MIA2: variants seen among roughly 807,000 people sequenced by gnomAD.
The protein encoded by MIA2 is MIA SH3 domain ER export factor 2, also known as melanoma inhibitory activity protein 2.
In MIA2, 127 loss-of-function variants were observed where a neutral mutation model predicts 167.8. The ratio of observed to expected loss-of-function variants is 0.76; its 90% CI spans 0.66 to 0.88. The LOEUF (loss-of-function observed/expected upper bound fraction) is 0.88. Among genes scored for constraint, MIA2 ranks in the 40% least tolerant of loss-of-function variants. MIA2 has a pLI of 0.00. For synonymous variants in MIA2, 552 were observed against 541.9 expected (o/e 1.02, Z -0.26); for missense variants, 1,690 against 1,624.7 (o/e 1.04, Z -0.69).
intron 25 of MIA2, among the ~76,000 whole-genome samples, chr14:39,339,798 T>A (rs774795305): frequency 2.0e-5 from 3 of 152,162 alleles, no homozygotes; most frequent in Non-Finnish European, 4.4e-5. Context: ...GAAACAGAAT[T>A]TTTAATCTTA....
intron 13 of MIA2, among the ~76,000 whole-genome samples, chr14:39,298,511 T>TA (rs1476516306): frequency 7.9e-6 from 1 of 127,256 alleles, no homozygotes; most frequent in African/African-American, 2.9e-5. Flanking sequence ...ATCCAATAAT[T>TA]ACTGTTTGGT....
At chr14:39,362,591 G>A (rs576377921) in intron 23 of MIA2, among the ~76,000 whole-genome samples, 1 of 151,894 alleles carries the variant, frequency 6.6e-6, no homozygotes, top group African/African-American at 2.4e-5. Flanking sequence ...GGTTAGTCTA[G>A]CTAGTAGTTT....
intron 6 of MIA2, among the ~76,000 whole-genome samples, chr14:39,260,074 T>C (rs886435012): frequency 2.6e-5 from 4 of 152,332 alleles, no homozygotes; most frequent in Non-Finnish European, 5.9e-5. Flanking sequence ...TTCCATAGTG[T>C]ATATGTGCCA....
At chr14:39,249,306 A>G (rs2054453839) in intron 4 of MIA2, among the ~76,000 whole-genome samples, 1 of 151,996 alleles carries the variant, frequency 6.6e-6, no homozygotes, top group Non-Finnish European at 1.5e-5. Flanking sequence ...ACACCCAGCT[A>G]ATTTATTTTT....
At chr14:39,369,438 T>A in intron 23 of MIA2, among the ~76,000 whole-genome samples, 1 of 152,234 alleles carries the variant, frequency 6.6e-6, no homozygotes, top group East Asian at 1.9e-4. Context: ...TTAATCTCCC[T>A]CTTTTCACAC....
chr14:39,293,825 T>G (rs73277462), intron 11 of MIA2, among the ~76,000 whole-genome samples, 175 bp from the exon 12 acceptor site: 2,809 of 152,328 alleles, frequency 0.018, 98 homozygotes, highest in African/African-American at 0.064. Context: ...ATACTATTGT[T>G]ACGTAATGTT....
At chr14:39,326,822 T>C in intron 24 of MIA2, 42 bp from the exon 25 acceptor site, 1 of 1,530,284 alleles carries the variant, frequency 6.5e-7, no homozygotes, top group Non-Finnish European at 8.7e-7. Context: ...ATAAGACTTT[T>C]TAAGATGAAA....
intron 7 of MIA2, among the ~76,000 whole-genome samples, chr14:39,278,172 C>G (rs1389588266): frequency 6.6e-6 from 1 of 152,048 alleles, no homozygotes; most frequent in Non-Finnish European, 1.5e-5. Flanking sequence ...ACGGGTTTCA[C>G]TGTGTTGCTC....
chr14:39,252,470 G>C (rs961696402), intron 4 of MIA2, among the ~76,000 whole-genome samples: 1 of 152,182 alleles, frequency 6.6e-6, no homozygotes, highest in Non-Finnish European at 1.5e-5. Context: ...AAGGAATGCA[G>C]CCTTGACAAC....
chr14:39,247,929 A>T lies in MIA2; in HGVS notation c.1355A>T (p.Asp452Val). Residue 452 changes from aspartate to valine, a missense_variant, in exon 4 of 29, where the codon GAT (aspartate) becomes GTT (valine). Transcript: ENST00000640607. ...GTCTCAGAAAAAACAGACGAATCTG[A>T]TACTATACCATATTTGAAAAAGTTC... ...KPVSEKTDES[D>V]TIPYLKKFLY... 1 of 1,598,366 alleles carries T rather than the reference A, an allele frequency of 6.3e-7. No homozygotes were observed. Among genetic ancestry groups the T allele is most frequent in the East Asian group, 2.2e-5 (1 of 44,742 alleles).
At chr14:39,386,975 A>G (rs767738018) in exon 24 of MIA2, 1 of 775,234 alleles carries the variant, frequency 1.3e-6, no homozygotes, top group Non-Finnish European at 2.2e-6. Context: ...GGCGGATGAG[A>G]CTAACGAGAT....
At chr14:39,258,524 A>T (rs1663664961) in intron 6 of MIA2, among the ~76,000 whole-genome samples, 1 of 152,194 alleles carries the variant, frequency 6.6e-6, no homozygotes, top group Non-Finnish European at 1.5e-5. Context: ...GCACTGGGTT[A>T]GAACATGCTC....
intron 6 of MIA2, chr14:39,265,240 G>C: frequency 3.1e-6 from 2 of 641,776 alleles, no homozygotes; most frequent in South Asian, 1.8e-5. Flanking sequence ...TCCACCTGTA[G>C]CACCCCTTTA....
rs374408997 is a variant in MIA2, at chr14:39,302,166, C to G, written c.2657C>G (p.Ala886Gly). ...CGCTTGTTAAAGATGAAAGATTGGGCTGCTATGCTTGGAGAAGACATAACG... is the reference window on the plus strand; with the variant it reads ...CGCTTGTTAAAGATGAAAGATTGGGGTGCTATGCTTGGAGAAGACATAACG... The part of the protein sequence containing the change: ...TERLLKMKDW[A>G]AMLGEDITDD... Residue 886 changes from alanine (A) to glycine (G), a missense_variant, in exon 15 of 29, where the codon GCT becomes GGT. By Grantham distance (60) the Ala-to-Gly change is moderately conservative. Transcript: ENST00000640607. 3.5e-5 allele frequency: 56 copies of G among 1,613,674 alleles called. No individual in the cohort carries two copies. Among genetic ancestry groups the G allele is most frequent in the Admixed American group, 8.3e-5 (5 of 60,006 alleles).
chr14:39,300,476 A>T (rs1695330476), intron 14 of MIA2, among the ~76,000 whole-genome samples: 1 of 152,090 alleles, frequency 6.6e-6, no homozygotes, highest in Admixed American at 6.6e-5. Flanking sequence ...TAAGATTTTT[A>T]AAAATCTTAA....
intron 6 of MIA2, among the ~76,000 whole-genome samples, chr14:39,264,646 T>G (rs1420706235): frequency 6.6e-6 from 1 of 152,252 alleles, no homozygotes; most frequent in Non-Finnish European, 1.5e-5. Flanking sequence ...TGATTCAATA[T>G]GTTCTGAGAA....
Position 39,233,934 on chromosome 14 carries a change from C to T in MIA2, c.-181C>T. On this transcript the variant is annotated 5_prime_UTR_variant, in exon 1 of 29. Coordinates refer to ENST00000640607, the MANE Select transcript of MIA2 (RefSeq NM_001329214.4). ...CAGATTGAAAACAGACAGTGTTTGT[C>T]TCTCAAGTTAAACCAACAAGCCGAT... is the stretch of plus-strand genomic sequence containing the variant. The T allele has an allele frequency of 4.2e-6, 2 of 479,730 alleles. No homozygotes were observed. Among genetic ancestry groups the T allele is most frequent in the East Asian group, 3.4e-5 (1 of 29,168 alleles). The allele number at this position is 479,730 out of a possible 1,614,324, so 29.7% of individuals were successfully genotyped here. A position where few individuals can be genotyped will look rare whatever the true frequency, so the allele number is the denominator to read the frequency against.
At chr14:39,240,122 C>A (rs1364862087) in intron 2 of MIA2, among the ~76,000 whole-genome samples, 1 of 152,158 alleles carries the variant, frequency 6.6e-6, no homozygotes, top group East Asian at 1.9e-4. Context: ...ATTTGTGGCC[C>A]TTCAGAGTTT....
At chr14:39,267,411 C>G in intron 6 of MIA2, 2 of 1,608,708 alleles carry the variant, frequency 1.2e-6, no homozygotes, top group Admixed American at 1.7e-5. Flanking sequence ...TTATTGTGGC[C>G]CCGACAGGCC....
Sources: allele counts gnomAD v4.1 joint callset (sites outside exome capture counted in the v4.1 genomes callset), GRCh38; gene constraint gnomAD v4.1.1; transcripts MANE v1.5; gene names NCBI Gene and HGNC (gene_info 2026-07-23, HGNC 2026-07-21).